PAFAH1B2: variants seen among roughly 807,000 people sequenced by gnomAD.
PAFAH1B2 encodes the protein platelet activating factor acetylhydrolase 1b catalytic subunit 2, also known as platelet-activating factor acetylhydrolase IB subunit alpha2.
Under a neutral mutation model 28.0 loss-of-function variants are expected in PAFAH1B2, and 8 were observed. The ratio of observed to expected loss-of-function variants is 0.29; its 90% CI spans 0.17 to 0.52. The LOEUF (loss-of-function observed/expected upper bound fraction) is 0.52. PAFAH1B2 is among the 20% of genes least tolerant of loss of function. The probability of loss-of-function intolerance (pLI) is 0.97; values close to 1 mark genes in which losing one functional copy is unlikely to be tolerated. For missense variants in PAFAH1B2, 190 were observed against 282.6 expected (o/e 0.67, Z 2.35); for synonymous variants, 104 against 103.2 (o/e 1.01, Z -0.05).
chr11:117,158,835 G>A (rs768072214), intron 2 of PAFAH1B2, among the ~76,000 whole-genome samples: 7 of 151,938 alleles, frequency 4.6e-5, no homozygotes, highest in Non-Finnish European at 8.8e-5. Flanking sequence ...ATTAGAGGCG[G>A]GGTTTCACCA....
chr11:117,161,927 G>A (rs1423907149), intron 4 of PAFAH1B2, among the ~76,000 whole-genome samples: 1 of 152,120 alleles, frequency 6.6e-6, no homozygotes, highest in Non-Finnish European at 1.5e-5. Flanking sequence ...ATTAACTTTA[G>A]GAAGTAATTT....
In PAFAH1B2 at chr11:117,170,353, T is replaced by C; in HGVS notation, c.*2654T>C. On this transcript the variant is annotated 3_prime_UTR_variant, in exon 6 of 6. Transcript: ENST00000527958. ...TTCCTTCGCCCACGCATTCCTGCTA[T>C]ACTAGATGGCAGCCAGTGATGGAAC... 9.4e-7 allele frequency: 1 copy of C among 1,060,788 alleles called. No homozygotes were observed. Among genetic ancestry groups the C allele is most frequent in the Non-Finnish European group, 1.1e-6 (1 of 877,426 alleles). The allele number at this position is 1,060,788 out of a possible 1,614,324, so 65.7% of individuals were successfully genotyped here.
intron 1 of PAFAH1B2, among the ~76,000 whole-genome samples, chr11:117,146,802 A>G (rs1956020117): frequency 6.6e-6 from 1 of 151,284 alleles, no homozygotes; most frequent in African/African-American, 2.4e-5. Context: ...GGAGTTCAAG[A>G]TCAGCCTGAA....
chr11:117,164,415 A>AAG (rs1956451498), intron 5 of PAFAH1B2, among the ~76,000 whole-genome samples: 1 of 151,620 alleles, frequency 6.6e-6, no homozygotes, highest in Admixed American at 6.6e-5. Context: ...TCAAAAAAAA[A>AAG]AAGTATGGAA....
intron 1 of PAFAH1B2, among the ~76,000 whole-genome samples, chr11:117,147,382 GAGAC>G (rs1434120268): frequency 1.3e-5 from 2 of 152,152 alleles, no homozygotes; most frequent in Non-Finnish European, 2.9e-5. Context: ...GGTTTTTGTA[GAGAC>G]ACAGTTTCAC....
At chr11:117,176,055 AT>A in exon 6 of PAFAH1B2, 1 of 831,676 alleles carries the variant, frequency 1.2e-6, no homozygotes, top group Non-Finnish European at 2.0e-6. Flanking sequence ...GGATTCTCTG[AT>A]TCATATTCGC....
chr11:117,162,370 G>T (rs1269532309), intron 4 of PAFAH1B2, among the ~76,000 whole-genome samples: 1 of 151,656 alleles, frequency 6.6e-6, no homozygotes, highest in Non-Finnish European at 1.5e-5. Context: ...CAAACTCCTG[G>T]CCTCAGATGA....
chr11:117,172,813 T>A (rs1044345850), downstream of PAFAH1B2, among the ~76,000 whole-genome samples: 5 of 152,188 alleles, frequency 3.3e-5, no homozygotes, highest in African/African-American at 1.2e-4. Context: ...ATGTAGTTCA[T>A]GTGCCTCAGC....
In PAFAH1B2 at chr11:117,163,885, T is replaced by G. The variant is rs1388975817; in HGVS notation, c.404T>G (p.Ile135Ser). The G allele has an allele frequency of 6.2e-7, 1 of 1,613,790 alleles. No individual in the cohort carries two copies. Among genetic ancestry groups the G allele is most frequent in the Non-Finnish European group, 8.5e-7 (1 of 1,179,798 alleles). The part of the protein sequence containing the change: ...INTRQPQAKI[I>S]VLGLLPRGEK... ...ACAAGGCAGCCACAGGCCAAAATCA[T>G]TGTATTGGTATGTAGTCGTTGGTGG... Residue 135 changes from isoleucine to serine, a missense_variant, in exon 5 of 6, where the codon ATT (isoleucine) becomes AGT (serine). Ile to Ser is a moderately radical substitution (Grantham distance 142, BLOSUM62 -2). Coordinates refer to ENST00000527958, the MANE Select transcript of PAFAH1B2 (RefSeq NM_002572.4).
intron 5 of PAFAH1B2, among the ~76,000 whole-genome samples, chr11:117,165,095 A>G (rs1591750834): frequency 6.7e-6 from 1 of 149,928 alleles, no homozygotes; most frequent in East Asian, 2.1e-4. Flanking sequence ...AGCTGGGACT[A>G]CAGGCGCCCG....
chr11:117,176,174 G>GGGTT (rs2029971769), exon 6 of PAFAH1B2: 2 of 517,860 alleles, frequency 3.9e-6, no homozygotes, highest in South Asian at 5.7e-5. Flanking sequence ...GTATAATGAG[G>GGGTT]GGTTGGCCAA....
At chr11:117,163,285 C>T (rs1224154631) in intron 4 of PAFAH1B2, among the ~76,000 whole-genome samples, 1 of 151,942 alleles carries the variant, frequency 6.6e-6, no homozygotes, top group African/African-American at 2.4e-5. Context: ...GCATGACCCT[C>T]TATCTCTTAA....
rs146309457 is a variant in PAFAH1B2, at chr11:117,158,101, A to G, written c.82-1833A>G. Among the ~76,000 whole-genome samples, 152 of 152,304 alleles carry G rather than the reference A, an allele frequency of 1.0e-3. 3 individuals carry two copies. In the East Asian group the frequency reaches 0.027, roughly 27 times the overall value. ...TGCAGTGAGCTAAGATCGCGCCACT[A>G]CACTCCAGCCTGAGTGATAAAGTGA... On this transcript the variant is annotated intron_variant, in intron 2 of 5. Coordinates refer to ENST00000527958, the MANE Select transcript of PAFAH1B2 (RefSeq NM_002572.4).
intron 1 of PAFAH1B2, among the ~76,000 whole-genome samples, chr11:117,148,013 T>C (rs1349775846): frequency 2.6e-5 from 4 of 152,118 alleles, no homozygotes; most frequent in African/African-American, 9.7e-5. Context: ...GTGAAACAAC[T>C]TAGTAAATTA....
At position 117,144,289 on chromosome 11, in the gene PAFAH1B2, A is replaced by T. The variant is rs1274432709; in HGVS notation, c.-137A>T. On this transcript the variant is annotated 5_prime_UTR_variant, in exon 1 of 6. Transcript: ENST00000527958. ...TGAGTGGCAGGGGAACCGGAAGTGGAGGAGCTGCTGCTGGTGCTGGGGCCG... is the reference window on the plus strand; with the variant it reads ...TGAGTGGCAGGGGAACCGGAAGTGGTGGAGCTGCTGCTGGTGCTGGGGCCG... 1 of 373,726 alleles carries T rather than the reference A, an allele frequency of 2.7e-6. No individual in the cohort carries two copies. Among genetic ancestry groups the T allele is most frequent in the South Asian group, 1.8e-5 (1 of 56,538 alleles). 23.2% of individuals were successfully genotyped at this position (373,726 alleles called of 1,614,324 possible).
At position 117,169,335 on chromosome 11, in the gene PAFAH1B2, C is replaced by T; in HGVS notation, c.*1636C>T. Reference sequence around the variant, plus strand: ...GATAATAGATGATTTTATCAGTATACCTGTGGAATATGTACAAACTGGATC... The same window carrying T: ...GATAATAGATGATTTTATCAGTATATCTGTGGAATATGTACAAACTGGATC... On this transcript the variant is annotated 3_prime_UTR_variant, in exon 6 of 6. Transcript: ENST00000527958. 1.9e-6 allele frequency: 2 copies of T among 1,048,346 alleles called. No individual in the cohort carries two copies. Among genetic ancestry groups the T allele is most frequent in the Non-Finnish European group, 1.2e-6 (1 of 868,696 alleles). 64.9% of individuals were successfully genotyped at this position (1,048,346 alleles called of 1,614,324 possible).
chr11:117,148,072 G>C (rs1209008080), intron 1 of PAFAH1B2, among the ~76,000 whole-genome samples: 1 of 133,236 alleles, frequency 7.5e-6, no homozygotes, highest in African/African-American at 2.9e-5. Flanking sequence ...TTTTTTTTTA[G>C]ATGGAGTCTT....
exon 6 of PAFAH1B2, chr11:117,176,086 T>A: frequency 1.4e-6 from 1 of 700,678 alleles, no homozygotes; most frequent in Non-Finnish European, 2.5e-6. Context: ...CTGGAAACAG[T>A]ACTGGACCAA....
chr11:117,175,925 A>C (rs1250823881), downstream of PAFAH1B2: 9 of 1,535,676 alleles, frequency 5.9e-6, no homozygotes, highest in East Asian at 1.5e-4. Flanking sequence ...TGGCAAGATG[A>C]GCAGGATTAC....
Sources: allele counts gnomAD v4.1 joint callset (sites outside exome capture counted in the v4.1 genomes callset), GRCh38; gene constraint gnomAD v4.1.1; transcripts MANE v1.5; gene names NCBI Gene and HGNC (gene_info 2026-07-23, HGNC 2026-07-21).